Variants in RBFOX1 observed in about 807,000 individuals in gnomAD.
RBFOX1 encodes RNA binding fox-1 homolog 1.
Under a neutral mutation model 57.7 loss-of-function variants are expected in RBFOX1, and 8 were observed. The ratio of observed to expected loss-of-function variants is 0.14; its 90% CI spans 0.08 to 0.25. The LOEUF is 0.25. RBFOX1 is among the 10% of genes least tolerant of loss of function. The pLI is 1.00. For missense variants in RBFOX1, 611 were observed against 548.5 expected, an observed-to-expected ratio of 1.11 and a Z score of -1.14; for synonymous variants, 326 against 222.4, an observed-to-expected ratio of 1.47 and a Z score of -4.15.
chr16:7,150,215 T>C (rs1048479650), intron 4 of RBFOX1, among the ~76,000 whole-genome samples: 1 of 152,214 alleles, frequency 6.6e-6, no homozygotes, highest in Non-Finnish European at 1.5e-5. Flanking sequence ...TTTATTTACC[T>C]ATTGGCTGGC....
chr16:7,165,760 T>A (rs1477842924), intron 4 of RBFOX1, among the ~76,000 whole-genome samples: 1 of 152,018 alleles, frequency 6.6e-6, no homozygotes, highest in Non-Finnish European at 1.5e-5. Flanking sequence ...TTAACTTTGT[T>A]CTCCAATTCT....
At chr16:5,918,191 G>A (rs1214400660) in intron 4 of RBFOX1, among the ~76,000 whole-genome samples, 1 of 152,066 alleles carries the variant, frequency 6.6e-6, no homozygotes, top group Non-Finnish European at 1.5e-5. Context: ...ACAATCTCAG[G>A]TCACTGCAAC....
rs74571180 is a variant in RBFOX1 at position 6,126,729 on chromosome 16, C to G, written c.-127+106737C>G. ...TTTTTTACACCAGAACTCTCTAAAA[C>G]CCAAAGGCATAACATTCACATAATA... On this transcript the variant is annotated intron_variant, in intron 1 of 15. Coordinates refer to ENST00000550418, the MANE Select transcript of RBFOX1 (RefSeq NM_018723.4). Among the ~76,000 whole-genome samples, 201 of 152,196 alleles carry G rather than the reference C, an allele frequency of 1.3e-3. 3 individuals are homozygous for G. The East Asian group carries it at 0.03, about 23-fold the overall frequency.
intron 3 of RBFOX1, among the ~76,000 whole-genome samples, chr16:6,936,856 A>C (rs2077450262): frequency 6.7e-6 from 1 of 148,540 alleles, no homozygotes; most frequent in Non-Finnish European, 1.5e-5. Flanking sequence ...TGTATTTTAA[A>C]AGCTGCTCTC....
intron 2 of RBFOX1, among the ~76,000 whole-genome samples, chr16:6,532,656 A>G (rs1171165343): frequency 6.6e-6 from 1 of 152,040 alleles, no homozygotes; most frequent in African/African-American, 2.4e-5. Flanking sequence ...CTTCCTGCAC[A>G]TGCACACTCT....
chr16:5,377,433 A>C (rs1567413967), intron 1 of RBFOX1, among the ~76,000 whole-genome samples: 1 of 151,290 alleles, frequency 6.6e-6, no homozygotes, highest in Non-Finnish European at 1.5e-5. Context: ...GTTTGAGCAG[A>C]GGGAACAGAA....
intron 1 of RBFOX1, among the ~76,000 whole-genome samples, chr16:6,287,150 A>G (rs1339083196): frequency 3.3e-5 from 5 of 152,164 alleles, no homozygotes; most frequent in African/African-American, 1.2e-4. Flanking sequence ...ATTACCAACG[A>G]CAGGCACAAA....
In RBFOX1 at chr16:6,775,245, G is replaced by A. The variant is rs375089404; in HGVS notation, c.-16+120595G>A. Among the ~76,000 whole-genome samples the A allele has an allele frequency of 2.2e-4, 33 of 150,052 alleles. No individual in the cohort carries two copies. The East Asian group carries it at 5.9e-3, about 27-fold the overall frequency. On this transcript the variant is annotated intron_variant, in intron 3 of 15. Coordinates refer to ENST00000550418, the MANE Select transcript of RBFOX1 (RefSeq NM_018723.4). ...CAGCTACTCGGGAGGCAGGAGAAAG[G>A]CGTGAAACCGGGAGGCCGAGCTTGC...
chr16:7,283,876 C>A lies in RBFOX1; in HGVS notation c.27+231778C>A, dbSNP rs115093039. ...ATAAGTGCATACAGTGATGTAATAA[C>A]CACCAGCGTCCGCATGATTTGGAGC... On this transcript the variant is annotated intron_variant, in intron 4 of 15. Transcript: ENST00000550418. 3.7e-3 allele frequency among the ~76,000 whole-genome samples: 557 copies of A among 152,290 alleles called. 4 individuals carry two copies. In the Middle Eastern group the frequency reaches 0.058, roughly 16 times the overall value.
At chr16:7,261,044 A>T (rs191309140) in intron 4 of RBFOX1, among the ~76,000 whole-genome samples, 95 of 152,138 alleles carry the variant, frequency 6.2e-4, no homozygotes, top group African/African-American at 2.0e-3. Flanking sequence ...GGCGTCTATG[A>T]CTCCACCTGA....
intron 4 of RBFOX1, among the ~76,000 whole-genome samples, chr16:7,135,101 G>A (rs957059897): frequency 1.3e-4 from 20 of 152,254 alleles, no homozygotes; most frequent in African/African-American, 4.8e-4. Context: ...GACTTATCCT[G>A]AGGCTGTTTT....
intron 3 of RBFOX1, among the ~76,000 whole-genome samples, chr16:5,673,889 C>A (rs914875205): frequency 6.6e-6 from 1 of 152,238 alleles, no homozygotes; most frequent in South Asian, 2.1e-4. Context: ...CTTCAGCCTT[C>A]AGCTTTTCTC....
intron 3 of RBFOX1, among the ~76,000 whole-genome samples, chr16:6,719,420 A>G (rs1054231029): frequency 5.3e-5 from 8 of 151,154 alleles, no homozygotes; most frequent in Non-Finnish European, 1.0e-4. Context: ...TTTAAAGCAT[A>G]GTTTCCTCAT....
chr16:6,372,869 G>C (rs1395424865), intron 2 of RBFOX1, among the ~76,000 whole-genome samples: 1 of 151,316 alleles, frequency 6.6e-6, no homozygotes, highest in Non-Finnish European at 1.5e-5. Context: ...CGGTCGGGTG[G>C]AATGGAGATT....
chr16:6,227,904 A>C (rs2097429623), intron 1 of RBFOX1, among the ~76,000 whole-genome samples: 1 of 152,226 alleles, frequency 6.6e-6, no homozygotes, highest in African/African-American at 2.4e-5. Flanking sequence ...TTAAAAATAG[A>C]ACTACCATAT....
At chr16:5,753,088 A>T (rs910173259) in intron 3 of RBFOX1, among the ~76,000 whole-genome samples, 2 of 151,936 alleles carry the variant, frequency 1.3e-5, no homozygotes, top group Non-Finnish European at 2.9e-5. Flanking sequence ...TTAACCTAGG[A>T]GGTTGAGACT....
At chr16:7,640,797 G>C (rs972123783) in intron 11 of RBFOX1, among the ~76,000 whole-genome samples, 4 of 151,934 alleles carry the variant, frequency 2.6e-5, no homozygotes, top group African/African-American at 9.7e-5. Context: ...GGCCTCATCA[G>C]AGTCAAGAGA....
intron 1 of RBFOX1, among the ~76,000 whole-genome samples, chr16:6,124,434 G>A (rs1464888474): frequency 6.6e-6 from 1 of 152,146 alleles, no homozygotes; most frequent in Non-Finnish European, 1.5e-5. Flanking sequence ...GACCCCTAGG[G>A]ATTGACCCCT....
At chr16:6,903,667 C>A (rs953752371) in intron 3 of RBFOX1, among the ~76,000 whole-genome samples, 2 of 151,976 alleles carry the variant, frequency 1.3e-5, no homozygotes, top group African/African-American at 4.8e-5. Flanking sequence ...TTCTCTTTAC[C>A]TAAAAAGAGA....
Sources: allele counts gnomAD v4.1 joint callset (sites outside exome capture counted in the v4.1 genomes callset), GRCh38; gene constraint gnomAD v4.1.1; transcripts MANE v1.5; gene names NCBI Gene and HGNC (gene_info 2026-07-23, HGNC 2026-07-21).